SCAPER: variants seen among roughly 807,000 people sequenced by gnomAD.
SCAPER encodes S-phase cyclin A associated protein in the ER.
A neutral mutation model predicts 182.2 loss-of-function variants in SCAPER; 98 were observed. The observed-to-expected ratio is 0.54, with a 90% CI of 0.46 to 0.64. The LOEUF is 0.64. Among genes scored for constraint, SCAPER ranks in the 30% least tolerant of loss-of-function variants. The pLI, the probability that SCAPER is intolerant of heterozygous loss-of-function variation, is 0.00. For missense variants in SCAPER, 1,432 were observed against 1,690.0 expected (o/e 0.85, Z 2.68); for synonymous variants, 605 against 564.6 (o/e 1.07, Z -1.01).
intron 21 of SCAPER, among the ~76,000 whole-genome samples, chr15:76,644,223 A>G (rs1474760534): frequency 2.6e-5 from 4 of 152,146 alleles, no homozygotes. Flanking sequence ...ATATTAAAAC[A>G]GATTGAATAC....
chr15:76,552,868 G>T (rs937125290), intron 23 of SCAPER, among the ~76,000 whole-genome samples: 1 of 152,130 alleles, frequency 6.6e-6, no homozygotes, highest in Admixed American at 6.5e-5. Context: ...CGCACTACTT[G>T]CTAGACTCTC....
chr15:76,672,061 C>G lies in SCAPER; in HGVS notation c.2509-6272G>C, dbSNP rs12594300. On this transcript the variant is annotated intron_variant, in intron 20 of 31. Transcript: ENST00000563290. ...CCTTATGACTCTGGAAATGAGCCAC[C>G]AGGGATCCCTTCCAGGAGAAACTGC... 6.6e-4 allele frequency among the ~76,000 whole-genome samples: 101 copies of G among 152,170 alleles called. No homozygotes were observed. In the East Asian group the frequency reaches 0.018, roughly 27 times the overall value.
rs538538386 is a variant in SCAPER at position 76,802,066 on chromosome 15, C to CA, written c.495-1703dup. On this transcript the variant is annotated intron_variant, in intron 6 of 31. Coordinates refer to ENST00000563290, the MANE Select transcript of SCAPER (RefSeq NM_020843.4). ...AATAGGTAACTGAATTTTGCAAGCA[C>CA]AAAAAAAAAAATTTTTTTTTAATGC... is the stretch of plus-strand genomic sequence containing the variant. Among the ~76,000 whole-genome samples, 1,324 of 140,268 alleles carry CA rather than the reference C, an allele frequency of 9.4e-3. 21 individuals carry two copies. The highest frequency in any genetic ancestry group is 0.034 in the African/African-American group (1,285 of 37,544). 92.0% of individuals were successfully genotyped at this position (140,268 alleles called of 152,430 possible).
chr15:76,577,419 C>G (rs1308656842), intron 22 of SCAPER, among the ~76,000 whole-genome samples: 1 of 151,958 alleles, frequency 6.6e-6, no homozygotes, highest in Non-Finnish European at 1.5e-5. Flanking sequence ...TGCGCTCTAG[C>G]CTGGGTGAAA....
chr15:76,449,203 T>C (rs2048206263), intron 25 of SCAPER, among the ~76,000 whole-genome samples: 1 of 152,232 alleles, frequency 6.6e-6, no homozygotes. Flanking sequence ...ATATGTGAAA[T>C]ACATGATTTT....
chr15:76,637,735 T>TAG (rs2053730989), intron 21 of SCAPER, among the ~76,000 whole-genome samples: 1 of 29,072 alleles, frequency 3.4e-5, no homozygotes, highest in Admixed American at 6.4e-4. Context: ...TATATATATA[T>TAG]ATATATATGT....
intron 14 of SCAPER, among the ~76,000 whole-genome samples, chr15:76,761,405 G>A (rs925412700): frequency 2.0e-5 from 3 of 151,824 alleles, no homozygotes; most frequent in Admixed American, 1.3e-4. Context: ...TTCTAGTTCT[G>A]TGAGTTAGAA....
At chr15:76,629,287 A>G (rs187824403) in intron 21 of SCAPER, among the ~76,000 whole-genome samples, 1 of 152,382 alleles carries the variant, frequency 6.6e-6, no homozygotes, top group Admixed American at 6.5e-5. Flanking sequence ...CAGAACTTCT[A>G]AAACTATGTT....
At chr15:76,811,144 A>G (rs903679272) in intron 5 of SCAPER, among the ~76,000 whole-genome samples, 1 of 150,042 alleles carries the variant, frequency 6.7e-6, no homozygotes, top group Non-Finnish European at 1.5e-5. Flanking sequence ...AAAGACAACG[A>G]AACAATACAA....
intron 8 of SCAPER, among the ~76,000 whole-genome samples, chr15:76,776,983 A>G (rs1205575754): frequency 6.6e-6 from 1 of 152,236 alleles, no homozygotes; most frequent in African/African-American, 2.4e-5. Flanking sequence ...GAATTCAAGA[A>G]AGTAAGTGAA....
chr15:76,410,530 C>T (rs1428057855), intron 26 of SCAPER, among the ~76,000 whole-genome samples: 1 of 152,178 alleles, frequency 6.6e-6, no homozygotes, highest in East Asian at 1.9e-4. Context: ...ATCAGGTAGA[C>T]AAGGCCCAAG....
chr15:76,735,697 CAAA>C (rs34341849), intron 15 of SCAPER, among the ~76,000 whole-genome samples: 6 of 106,662 alleles, frequency 5.6e-5, no homozygotes, highest in Non-Finnish European at 5.4e-5. Flanking sequence ...GACTCCGTCT[CAAA>C]AAAAAAAAAA....
intron 23 of SCAPER, among the ~76,000 whole-genome samples, chr15:76,568,865 T>A (rs2047233690): frequency 6.6e-6 from 1 of 151,990 alleles, no homozygotes; most frequent in African/African-American, 2.4e-5. Context: ...ATAGATTTAC[T>A]CCTAGATATT....
rs546721934 is a variant in SCAPER at position 76,610,291 on chromosome 15, C to T, written c.2711+11473G>A. 3.9e-5 allele frequency among the ~76,000 whole-genome samples: 6 copies of T among 152,208 alleles called. No homozygotes were observed. The South Asian group carries it at 1.2e-3, about 32-fold the overall frequency. On this transcript the variant is annotated intron_variant, in intron 22 of 31. Transcript: ENST00000563290. ...CAGCCAGCTACCACCATGCATGTCC[C>T]TCAAGAAACCAAGCATGACTATCAC... is the stretch of plus-strand genomic sequence containing the variant.
At chr15:76,665,604 G>A in intron 21 of SCAPER, 49 bp downstream of exon 21, 4 of 1,522,448 alleles carry the variant, frequency 2.6e-6, no homozygotes, top group African/African-American at 1.4e-5. Flanking sequence ...TACATTAAAA[G>A]ATACATCACT....
chr15:76,661,733 G>A (rs1308725205), intron 21 of SCAPER, among the ~76,000 whole-genome samples: 1 of 152,170 alleles, frequency 6.6e-6, no homozygotes, highest in African/African-American at 2.4e-5. Context: ...ACTGTTGGTG[G>A]AAATGTAAAT....
At position 76,765,068 on chromosome 15, in the gene SCAPER, T is replaced by C. The variant is rs749205984; in HGVS notation, c.1618A>G (p.Ile540Val). 4 of 1,566,300 alleles carry C rather than the reference T, an allele frequency of 2.6e-6. No homozygotes were observed. The highest frequency in any genetic ancestry group is 1.7e-6 in the Non-Finnish European group (2 of 1,152,996). Residue 540 changes from isoleucine (I) to valine (V), a missense_variant, in exon 14 of 32, where the codon ATT becomes GTT. Physicochemically the swap from Ile to Val is conservative, Grantham distance 29. Transcript: ENST00000563290. Reference sequence around the variant, plus strand: ...TCATGTTTCTTCTTAGATTCTGCAATTGTTCTATTAATACAAACAAATGGA... The same window carrying C: ...TCATGTTTCTTCTTAGATTCTGCAACTGTTCTATTAATACAAACAAATGGA... ...KLSSPSRKRT[I>V]AESKKKHEEK...
chr15:76,535,521 CAAAAAAAAAAAAA>C (rs56660301), intron 23 of SCAPER, among the ~76,000 whole-genome samples: 3 of 46,636 alleles, frequency 6.4e-5, no homozygotes, highest in South Asian at 1.0e-3. Flanking sequence ...GACTCTGTCT[CAAAAAAAAAAAAA>C]AAAAAAAAAA....
intron 22 of SCAPER, among the ~76,000 whole-genome samples, chr15:76,611,278 G>GT (rs1349054526): frequency 6.6e-6 from 1 of 152,010 alleles, no homozygotes; most frequent in Non-Finnish European, 1.5e-5. Context: ...GATAAAAAAT[G>GT]TAAGACTCGA....
Sources: allele counts gnomAD v4.1 joint callset (sites outside exome capture counted in the v4.1 genomes callset), GRCh38; gene constraint gnomAD v4.1.1; transcripts MANE v1.5; gene names NCBI Gene and HGNC (gene_info 2026-07-23, HGNC 2026-07-21).